CEP76: variants seen among roughly 807,000 people sequenced by gnomAD.
CEP76 encodes the protein centrosomal protein 76.
Under a neutral mutation model 83.3 loss-of-function variants are expected in CEP76, and 55 were observed. The ratio of observed to expected loss-of-function variants is 0.66; its 90% CI spans 0.53 to 0.83. The LOEUF is 0.83. Among genes scored for constraint, CEP76 ranks in the 40% least tolerant of loss-of-function variants. The pLI is 0.00. For synonymous variants in CEP76, 270 were observed against 274.5 expected, an observed-to-expected ratio of 0.98 and a Z score of 0.16; for missense variants, 694 against 799.5, an observed-to-expected ratio of 0.87 and a Z score of 1.59.
At chr18:12,676,485 G>C (rs896952869) in intron 10 of CEP76, among the ~76,000 whole-genome samples, 3 of 151,742 alleles carry the variant, frequency 2.0e-5, no homozygotes, top group Non-Finnish European at 4.4e-5. Flanking sequence ...ACGTTGCCCA[G>C]GCTGGTCTTG....
intron 12 of CEP76, among the ~76,000 whole-genome samples, chr18:12,666,147 T>C (rs958259721): frequency 3.5e-5 from 4 of 113,746 alleles, no homozygotes; most frequent in African/African-American, 1.2e-4. Flanking sequence ...CAAGAACTCA[T>C]CTCTACAAAA....
intron 1 of CEP76, among the ~76,000 whole-genome samples, chr18:12,701,715 A>G (rs1262478640): frequency 6.6e-6 from 1 of 152,186 alleles, no homozygotes. Flanking sequence ...GAGCTCCGAA[A>G]TATTAACAAA....
chr18:12,702,425 G>A (rs1398564570), intron 1 of CEP76, 61 bp downstream of exon 1: 12 of 1,331,078 alleles, frequency 9.0e-6, no homozygotes, highest in Non-Finnish European at 1.2e-5. Flanking sequence ...CGGGGCCGCC[G>A]GGCAGGAGGG....
chr18:12,701,866 CA>C (rs1285423090), intron 1 of CEP76, among the ~76,000 whole-genome samples: 1 of 152,244 alleles, frequency 6.6e-6, no homozygotes, highest in Non-Finnish European at 1.5e-5. Context: ...CGCGGAGGCT[CA>C]CGCCTGTAAT....
At chr18:12,699,241 A>G (rs1555647911) in intron 3 of CEP76, 38 bp from the exon 4 acceptor site, 3 of 1,355,494 alleles carry the variant, frequency 2.2e-6, no homozygotes, top group Middle Eastern at 1.8e-4. Flanking sequence ...AAACTGCCAA[A>G]TAACTTAAAA....
chr18:12,665,912 G>T (rs1054110354), intron 12 of CEP76, among the ~76,000 whole-genome samples: 4 of 152,128 alleles, frequency 2.6e-5, no homozygotes, highest in Non-Finnish European at 2.9e-5. Context: ...GGCCAGGCTG[G>T]TCTTGAACGC....
chr18:12,672,008 C>T (rs545633794), downstream of CEP76, among the ~76,000 whole-genome samples: 6 of 151,374 alleles, frequency 4.0e-5, no homozygotes, highest in South Asian at 2.1e-4. Flanking sequence ...TTAGTAGAGA[C>T]AGGGTTTCAC....
downstream of CEP76, among the ~76,000 whole-genome samples, chr18:12,668,597 C>CAAAAAAAAAAAAAAAAAAAAAAAAAAA (rs752216074): frequency 1.4e-5 from 1 of 72,836 alleles, no homozygotes; most frequent in African/African-American, 5.5e-5. Flanking sequence ...GATTCCATCT[C>CAAAAAAAAAAAAAAAAAAAAAAAAAAA]AAAAAAAAAA....
chr18:12,701,855 G>A (rs2040164320), intron 1 of CEP76, among the ~76,000 whole-genome samples: 1 of 152,232 alleles, frequency 6.6e-6, no homozygotes. Context: ...TATCTGCCGG[G>A]CGCGGAGGCT....
chr18:12,673,624 A>G, intron 11 of CEP76, 121 bp from the exon 12 acceptor site: 3 of 699,176 alleles, frequency 4.3e-6, no homozygotes, highest in Non-Finnish European at 6.6e-6. Context: ...TCATGCCTGT[A>G]ATCCCAGCAC....
intron 10 of CEP76, 99 bp from the exon 11 acceptor site, chr18:12,674,852 G>T (rs2847269): frequency 0.035 from 21,248 of 613,668 alleles, 497 homozygotes; most frequent in Admixed American, 0.08. Context: ...ACCAAGAAAA[G>T]ATTTTTAAAA....
chr18:12,677,423 C>T (rs1006995568), intron 10 of CEP76, among the ~76,000 whole-genome samples: 1 of 144,114 alleles, frequency 6.9e-6, no homozygotes, highest in African/African-American at 2.6e-5. Context: ...CGCCACTGCG[C>T]TCCAGCCTGG....
intron 3 of CEP76, 68 bp from the exon 4 acceptor site, chr18:12,699,271 G>A: frequency 1.8e-6 from 2 of 1,140,688 alleles, no homozygotes; most frequent in Non-Finnish European, 2.5e-6. Context: ...CAAGACATTA[G>A]GAAATAAAAA....
chr18:12,686,366 C>G lies in CEP76; in HGVS notation c.1018G>C (p.Ala340Pro). ...GRLLDTPRQA[A>P]RFVNVLGYER... is the part of the protein sequence containing the mutation. ...TAACCAAGGACATTAACAAATCTTGCTGCTTGCCTTGGAGTATCAAGAAGC... is the reference window on the plus strand; with the variant it reads ...TAACCAAGGACATTAACAAATCTTGGTGCTTGCCTTGGAGTATCAAGAAGC... Residue 340 changes from alanine (A) to proline (P), a missense_variant, in exon 8 of 12, where the codon GCA (alanine) becomes CCA (proline). By Grantham distance (27) the Ala-to-Pro change is conservative. Coordinates refer to ENST00000262127, the MANE Select transcript of CEP76 (RefSeq NM_024899.4). 6.2e-7 allele frequency: 1 copy of G among 1,614,028 alleles called. No individual in the cohort carries two copies. Among genetic ancestry groups the G allele is most frequent in the Non-Finnish European group, 8.5e-7 (1 of 1,179,918 alleles).
intron 3 of CEP76, 33 bp from the exon 4 acceptor site, chr18:12,699,236 G>C: frequency 7.2e-7 from 1 of 1,387,682 alleles, no homozygotes; most frequent in Non-Finnish European, 1.0e-6. Flanking sequence ...TGAGGAAACT[G>C]CCAAATAACT....
rs1387865564 is a variant in CEP76 at position 12,695,997 on chromosome 18, A to G, written c.707-646T>C. On this transcript the variant is annotated intron_variant, in intron 5 of 11. Coordinates refer to ENST00000262127, the MANE Select transcript of CEP76 (RefSeq NM_024899.4). ...TTCAATCCATGCCTGGATTTAAAGA[A>G]CTAGAAAACAAATATACTTCACATC... Among the ~76,000 whole-genome samples, 4 of 152,306 alleles carry G rather than the reference A, an allele frequency of 2.6e-5. No individual in the cohort carries two copies. The East Asian group carries it at 7.7e-4, about 29-fold the overall frequency.
chr18:12,678,201 A>G lies in CEP76; in HGVS notation c.1531T>C (p.Phe511Leu). 1 of 1,614,176 alleles carries G rather than the reference A, an allele frequency of 6.2e-7. No individual in the cohort carries two copies. The highest frequency in any genetic ancestry group is 8.5e-7 in the Non-Finnish European group (1 of 1,180,004). Residue 511 changes from phenylalanine to leucine, a missense_variant, in exon 10 of 12, where the codon TTT (phenylalanine) becomes CTT (leucine). Coordinates refer to ENST00000262127, the MANE Select transcript of CEP76 (RefSeq NM_024899.4). ...ATTGTGGATGCACACAGAGGTGGAA[A>G]GGGAGGAAGGGATGTTGTAGCTCCA... ...APGATTSLPP[F>L]PPLCASTIDA...
intron 8 of CEP76, 50 bp from the exon 9 acceptor site, chr18:12,680,878 A>C: frequency 6.8e-7 from 1 of 1,475,784 alleles, no homozygotes; most frequent in Admixed American, 1.9e-5. Flanking sequence ...TTATTTCCTC[A>C]TTACATACTT....
Position 12,697,328 on chromosome 18 carries a change from T to A in CEP76, c.601A>T (p.Ile201Leu), listed in dbSNP as rs2039991153. The A allele has an allele frequency of 1.2e-6, 2 of 1,613,906 alleles. No individual in the cohort carries two copies. The highest frequency in any genetic ancestry group is 2.7e-5 in the African/African-American group (2 of 75,056). The change falls in exon 5 of 12, where the codon ATA (isoleucine) becomes TTA (leucine). Residue 201 changes from isoleucine (I) to leucine (L), a missense_variant. Physicochemically the swap from Ile to Leu is conservative, Grantham distance 5. Coordinates refer to ENST00000262127, the MANE Select transcript of CEP76 (RefSeq NM_024899.4). ...PIHMVLIKTD[I>L]FGETTLVASY... ...GCTACTAAAGTCGTCTCACCAAATA[T>A]GTCTGTTTTGATTAGCACCATATGA...
Sources: allele counts gnomAD v4.1 joint callset (sites outside exome capture counted in the v4.1 genomes callset), GRCh38; gene constraint gnomAD v4.1.1; transcripts MANE v1.5; gene names NCBI Gene and HGNC (gene_info 2026-07-23, HGNC 2026-07-21).